TPO: variants seen among roughly 807,000 people sequenced by gnomAD.
TPO encodes thyroid microsomal antigen.
In TPO, 78 loss-of-function variants were observed where a neutral mutation model predicts 96.9. The observed-to-expected ratio is 0.81, with a 90% CI of 0.67 to 0.97. TPO has a LOEUF of 0.97. Among genes scored for constraint, TPO ranks in the 50% least tolerant of loss-of-function variants. The probability of loss-of-function intolerance (pLI) is 0.00; values close to 1 mark genes in which losing one functional copy is unlikely to be tolerated. For missense variants in TPO, 1,252 were observed against 1,274.8 expected, an observed-to-expected ratio of 0.98 and a Z score of 0.27; for synonymous variants, 547 against 538.0, an observed-to-expected ratio of 1.02 and a Z score of -0.23.
At chr2:1,522,934 C>T (rs1273300002) in intron 15 of TPO, among the ~76,000 whole-genome samples, 1 of 148,256 alleles carries the variant, frequency 6.7e-6, no homozygotes, top group African/African-American at 2.5e-5. Flanking sequence ...ATCCCCTCCA[C>T]TCTGTGTAAC....
At chr2:1,384,681 T>C (rs1453426761) in intron 1 of TPO, among the ~76,000 whole-genome samples, 4 of 152,186 alleles carry the variant, frequency 2.6e-5, no homozygotes, top group Non-Finnish European at 5.9e-5. Context: ...ACTTCCTCTT[T>C]TCCTAATTGA....
chr2:1,478,079 A>T, intron 8 of TPO: 1 of 985,462 alleles, frequency 1.0e-6, no homozygotes, highest in Non-Finnish European at 1.2e-6. Context: ...TATTTCAGAG[A>T]CAGTGCAGTG....
At chr2:1,479,556 C>T (rs540063407) in intron 8 of TPO, among the ~76,000 whole-genome samples, 41 of 152,278 alleles carry the variant, frequency 2.7e-4, no homozygotes, top group South Asian at 1.2e-3. Flanking sequence ...GAGCGGGAAA[C>T]GCCCAATTGT....
chr2:1,501,826 C>T (rs1049080168), intron 13 of TPO, among the ~76,000 whole-genome samples: 2 of 152,062 alleles, frequency 1.3e-5, no homozygotes, highest in Non-Finnish European at 2.9e-5. Flanking sequence ...ACCACCCGGC[C>T]GACACCCTGA....
chr2:1,540,767 G>T (rs28915676), intron 16 of TPO, 44 bp downstream of exon 16: 53,692 of 1,613,148 alleles, frequency 0.033, 1,289 homozygotes, highest in South Asian at 0.1. Context: ...CACCGCAGTG[G>T]TTGGACAGGA....
At chr2:1,538,184 G>A (rs1438663188) in intron 15 of TPO, among the ~76,000 whole-genome samples, 1 of 150,862 alleles carries the variant, frequency 6.6e-6, no homozygotes, top group South Asian at 2.1e-4. Context: ...CCCCCCTGCA[G>A]GGAGTGGCTT....
At chr2:1,391,028 A>C (rs569956648) in intron 1 of TPO, among the ~76,000 whole-genome samples, 41 of 152,078 alleles carry the variant, frequency 2.7e-4, no homozygotes, top group Non-Finnish European at 4.9e-4. Flanking sequence ...GAAGCTCTTT[A>C]GTTTAATTAG....
intron 2 of TPO, among the ~76,000 whole-genome samples, chr2:1,422,344 C>CTTCGTGCCGGCGCCTCTCCTGGACA (rs1558264301): frequency 1.3e-5 from 1 of 77,520 alleles, no homozygotes; most frequent in Non-Finnish European, 3.0e-5. Flanking sequence ...TCTCCTGGAC[C>CTTCGTGCCGGCGCCTCTCCTGGACA]GACCTCGTGC....
chr2:1,524,410 T>A (rs1348294652), intron 15 of TPO, among the ~76,000 whole-genome samples: 2 of 44,126 alleles, frequency 4.5e-5, no homozygotes, highest in Admixed American at 6.7e-4. Context: ...CCTCCAACTT[T>A]CCCTCCCATT....
chr2:1,498,969 G>A (rs544969560), intron 13 of TPO, among the ~76,000 whole-genome samples: 2 of 151,638 alleles, frequency 1.3e-5, no homozygotes, highest in South Asian at 4.2e-4. Flanking sequence ...CATGTTGCGT[G>A]TTCTACGTTA....
intron 9 of TPO, among the ~76,000 whole-genome samples, chr2:1,487,499 C>T (rs1296321040): frequency 1.3e-5 from 2 of 152,130 alleles, no homozygotes; most frequent in African/African-American, 2.4e-5. Flanking sequence ...CTTTGGGAGG[C>T]CGAGGCAGGC....
intron 5 of TPO, 107 bp downstream of exon 5, chr2:1,436,491 C>A: frequency 2.6e-6 from 4 of 1,520,124 alleles, no homozygotes; most frequent in Non-Finnish European, 3.6e-6. Flanking sequence ...TGTATCCACC[C>A]CTGAGCCCCT....
Position 1,537,868 on chromosome 2 carries a change from C to A in TPO, c.2619-2726C>A, listed in dbSNP as rs1341252365. Among the ~76,000 whole-genome samples, 3 of 95,362 alleles carry A rather than the reference C, an allele frequency of 3.1e-5. No homozygotes were observed. In the Admixed American group the frequency reaches 3.8e-4, roughly 12 times the overall value. The allele number at this position is 95,362 out of a possible 152,430, so 62.6% of individuals were successfully genotyped here. On this transcript the variant is annotated intron_variant, in intron 15 of 16. Transcript: ENST00000329066. ...CCCACTGTGTGCAATCTCAAATCCC[C>A]CCCACTGTGTGCAACCTCCTCAAAT...
intron 3 of TPO, among the ~76,000 whole-genome samples, chr2:1,425,140 C>T (rs186177225): frequency 5.0e-4 from 76 of 151,820 alleles, no homozygotes; most frequent in African/African-American, 1.6e-3. Flanking sequence ...TTCTAGATGC[C>T]GGGATACAGA....
At chr2:1,520,617 T>A (rs917906948) in intron 15 of TPO, among the ~76,000 whole-genome samples, 3 of 152,264 alleles carry the variant, frequency 2.0e-5, no homozygotes. Flanking sequence ...AAATCTACGA[T>A]TCGGAGTTAA....
At chr2:1,406,441 C>T (rs769021229) in intron 1 of TPO, among the ~76,000 whole-genome samples, 13 of 152,232 alleles carry the variant, frequency 8.5e-5, no homozygotes, top group Non-Finnish European at 1.6e-4. Context: ...CTATTATCCA[C>T]GTGAATATTG....
intron 11 of TPO, among the ~76,000 whole-genome samples, chr2:1,494,654 G>A (rs541284184): frequency 2.6e-5 from 4 of 152,308 alleles, no homozygotes; most frequent in Middle Eastern, 3.4e-3. Flanking sequence ...CATGCCCCCC[G>A]TAGAAGCAGG....
At chr2:1,535,405 C>G (rs942055249) in intron 15 of TPO, among the ~76,000 whole-genome samples, 1 of 58,944 alleles carries the variant, frequency 1.7e-5, no homozygotes, top group African/African-American at 6.1e-5. Flanking sequence ...AGCAACCTCC[C>G]CAAATCCCCC....
intron 15 of TPO, among the ~76,000 whole-genome samples, chr2:1,538,549 A>C (rs1442243298): frequency 6.6e-6 from 1 of 152,228 alleles, no homozygotes; most frequent in African/African-American, 2.4e-5. Context: ...ACAATGGTGA[A>C]CAGTGAATGC....
Sources: allele counts gnomAD v4.1 joint callset (sites outside exome capture counted in the v4.1 genomes callset), GRCh38; gene constraint gnomAD v4.1.1; transcripts MANE v1.5; gene names NCBI Gene and HGNC (gene_info 2026-07-23, HGNC 2026-07-21).